The following SDK1 variants were observed in gnomAD, a reference collection of about 807,000 sequenced individuals.
The protein encoded by SDK1 is protein sidekick-1.
Under a neutral mutation model 245.5 loss-of-function variants are expected in SDK1, and 157 were observed. The observed-to-expected ratio is 0.64, with a 90% CI of 0.56 to 0.73. SDK1 has a LOEUF of 0.73. Among genes scored for constraint, SDK1 ranks in the 30% least tolerant of loss-of-function variants. SDK1 has a pLI of 0.00. For synonymous variants in SDK1, 1,647 were observed against 1,278.5 expected, an observed-to-expected ratio of 1.29 and a Z score of -6.15; for missense variants, 3,583 against 3,002.3, an observed-to-expected ratio of 1.19 and a Z score of -4.52.
intron 5 of SDK1, among the ~76,000 whole-genome samples, chr7:3,914,565 C>T (rs534814411): frequency 5.3e-5 from 8 of 152,302 alleles, no homozygotes; most frequent in South Asian, 4.1e-4. Flanking sequence ...TTTTAAAAAG[C>T]ACGCTGAAAC....
At chr7:3,423,495 G>A (rs1232948825) in intron 1 of SDK1, among the ~76,000 whole-genome samples, 1 of 151,306 alleles carries the variant, frequency 6.6e-6, no homozygotes, top group African/African-American at 2.4e-5. Context: ...GGGGCAGTGA[G>A]AATATAAAAA....
chr7:3,744,950 G>C (rs1281238383), intron 4 of SDK1, among the ~76,000 whole-genome samples: 1 of 152,050 alleles, frequency 6.6e-6, no homozygotes, highest in Non-Finnish European at 1.5e-5. Context: ...CCTCACGAAG[G>C]CCAAATCTCC....
chr7:4,067,359 T>C (rs558261373), intron 19 of SDK1, among the ~76,000 whole-genome samples: 1 of 152,258 alleles, frequency 6.6e-6, no homozygotes, highest in African/African-American at 2.4e-5. Flanking sequence ...GGATACCGAT[T>C]GGGTTTGGAG....
intron 5 of SDK1, among the ~76,000 whole-genome samples, chr7:3,918,976 A>G (rs1779489807): frequency 1.3e-5 from 2 of 152,234 alleles, no homozygotes; most frequent in Admixed American, 6.5e-5. Context: ...TTATTATAAC[A>G]TTCACCATAA....
At chr7:4,071,297 T>A (rs1780242206) in intron 20 of SDK1, among the ~76,000 whole-genome samples, 1 of 150,838 alleles carries the variant, frequency 6.6e-6, no homozygotes. Context: ...AGTGCTGGGA[T>A]TACTGGCATG....
intron 4 of SDK1, among the ~76,000 whole-genome samples, chr7:3,782,050 A>G (rs1780762209): frequency 6.6e-6 from 1 of 152,170 alleles, no homozygotes; most frequent in Non-Finnish European, 1.5e-5. Context: ...GCCAATACCC[A>G]TGTTTTAGGC....
In SDK1 at chr7:4,026,684, G is replaced by A. The variant is rs1787371350; in HGVS notation, c.2602+9332G>A. 6.6e-6 allele frequency among the ~76,000 whole-genome samples: 1 copy of A among 152,306 alleles called. No homozygotes were observed. Among genetic ancestry groups the A allele is most frequent in the Non-Finnish European group, 1.5e-5 (1 of 68,034 alleles). Reference sequence around the variant, plus strand: ...AAGAAACTTGAGCTTATTTGTCAAAGGTTTGTTAACCTAATAATGCCGTAG... The same window carrying A: ...AAGAAACTTGAGCTTATTTGTCAAAAGTTTGTTAACCTAATAATGCCGTAG... On this transcript the variant is annotated intron_variant, in intron 17 of 44. Transcript: ENST00000404826. The surrounding 1 kb of genome is among the most constrained non-coding windows in gnomAD (Gnocchi z 4.1).
intron 4 of SDK1, among the ~76,000 whole-genome samples, chr7:3,652,384 G>C (rs912509546): frequency 1.3e-5 from 2 of 152,190 alleles, no homozygotes; most frequent in African/African-American, 4.8e-5. Context: ...AGACAAGCCT[G>C]GGAAGGAGGG....
intron 20 of SDK1, among the ~76,000 whole-genome samples, chr7:4,070,566 G>T: frequency 6.6e-6 from 1 of 152,126 alleles, no homozygotes; most frequent in East Asian, 1.9e-4. Flanking sequence ...CAGAACTCCA[G>T]CTACATAGCA....
At chr7:4,072,373 C>G (rs1780307092) in intron 20 of SDK1, among the ~76,000 whole-genome samples, 1 of 152,164 alleles carries the variant, frequency 6.6e-6, no homozygotes, top group Non-Finnish European at 1.5e-5. Flanking sequence ...TAATGTGCAC[C>G]TTGTGTCACA....
At chr7:3,908,059 C>G (rs187977050) in intron 5 of SDK1, among the ~76,000 whole-genome samples, 1 of 152,142 alleles carries the variant, frequency 6.6e-6, no homozygotes, top group Admixed American at 6.5e-5. Context: ...CTCTTCTCTG[C>G]GGCTTAGCTT....
chr7:3,921,511 A>T (rs148040293), intron 5 of SDK1, among the ~76,000 whole-genome samples: 132 of 152,342 alleles, frequency 8.7e-4, no homozygotes, highest in African/African-American at 3.1e-3. Flanking sequence ...ACGATGTTCT[A>T]GTTAAGCTCT....
intron 4 of SDK1, among the ~76,000 whole-genome samples, chr7:3,777,120 C>T (rs1054393506): frequency 2.6e-5 from 4 of 152,140 alleles, no homozygotes; most frequent in African/African-American, 7.2e-5. Context: ...ACCCCCTTGG[C>T]GCTTACATTG....
At chr7:3,822,821 C>T (rs545044877) in intron 5 of SDK1, among the ~76,000 whole-genome samples, 1 of 151,840 alleles carries the variant, frequency 6.6e-6, no homozygotes, top group South Asian at 2.1e-4. Flanking sequence ...ATAGTATTTG[C>T]CTGACATGGC....
chr7:3,924,771 C>T lies in SDK1; in HGVS notation c.848-26152C>T, dbSNP rs78224219. On this transcript the variant is annotated intron_variant, in intron 5 of 44. Transcript: ENST00000404826. ...GATACTAATGAATTTCTTTACCCGT[C>T]GCCCTCCTCCTAGCTGTCATAGCTC... 5.1e-4 allele frequency among the ~76,000 whole-genome samples: 78 copies of T among 152,272 alleles called. No individual in the cohort carries two copies. In the East Asian group the frequency reaches 8.5e-3, roughly 17 times the overall value.
At position 4,012,107 on chromosome 7, in the gene SDK1, T is replaced by C. The variant is rs1469631616; in HGVS notation, c.2292T>C (p.Pro764=). The C allele has an allele frequency of 6.4e-6, 10 of 1,555,546 alleles. No homozygotes were observed. The highest frequency in any genetic ancestry group is 8.7e-6 in the Non-Finnish European group (10 of 1,152,358). ...CTTTTATTTATAGGTTGATGCTACC[T>C]GAAGAACCACCCAGTGCTCCCCCGA... ...YSAETSRLML[P]EEPPSAPPKN... The change falls in exon 16 of 45, where the codon CCT becomes CCC. Residue 764 remains proline (P), a synonymous_variant. Transcript: ENST00000404826.
intron 44 of SDK1, among the ~76,000 whole-genome samples, chr7:4,258,425 G>T (rs1787758398): frequency 6.6e-6 from 1 of 152,154 alleles, no homozygotes; most frequent in Non-Finnish European, 1.5e-5. Context: ...TGAATTCGTA[G>T]CATGCCCTCC....
At chr7:3,777,767 C>G (rs192923118) in intron 4 of SDK1, among the ~76,000 whole-genome samples, 1 of 152,084 alleles carries the variant, frequency 6.6e-6, no homozygotes, top group Non-Finnish European at 1.5e-5. Context: ...CTTCCCATGC[C>G]ACACCACACT....
chr7:3,759,037 T>A (rs1356084133), intron 4 of SDK1, among the ~76,000 whole-genome samples: 2 of 152,226 alleles, frequency 1.3e-5, no homozygotes, highest in Non-Finnish European at 2.9e-5. Flanking sequence ...ATCCACAGTT[T>A]ATTTAGGTGT....
Sources: allele counts gnomAD v4.1 joint callset (sites outside exome capture counted in the v4.1 genomes callset), GRCh38; gene constraint gnomAD v4.1.1; non-coding constraint Gnocchi (gnomAD v3.1); transcripts MANE v1.5; gene names NCBI Gene and HGNC (gene_info 2026-07-23, HGNC 2026-07-21).